The following CDYL2 variants were observed in gnomAD, a reference collection of about 807,000 sequenced individuals.
CDYL2 encodes the protein chromodomain Y like 2.
In CDYL2, 23 loss-of-function variants were observed where a neutral mutation model predicts 49.4. That is an observed-to-expected ratio of 0.47 (90% CI 0.34 to 0.66). The LOEUF (loss-of-function observed/expected upper bound fraction) is 0.66, where lower values mean the gene tolerates loss of function less well. Ranked by LOEUF, CDYL2 falls within the 30% of genes least tolerant of loss-of-function variation. CDYL2 has a pLI of 0.01. For synonymous variants in CDYL2, 360 were observed against 268.8 expected, an observed-to-expected ratio of 1.34 and a Z score of -3.32; for missense variants, 678 against 656.4, an observed-to-expected ratio of 1.03 and a Z score of -0.36.
intron 2 of CDYL2, among the ~76,000 whole-genome samples, chr16:80,638,593 C>A (rs1203182416): frequency 6.6e-6 from 1 of 152,130 alleles, no homozygotes; most frequent in Non-Finnish European, 1.5e-5. Context: ...CTAAAGTAAT[C>A]AAGACAGCGT....
intron 1 of CDYL2, among the ~76,000 whole-genome samples, chr16:80,797,754 A>T (rs564348002): frequency 2.0e-5 from 3 of 151,956 alleles, no homozygotes; most frequent in Non-Finnish European, 4.4e-5. Context: ...TTCTTTTTCA[A>T]CCTTTCAATT....
intron 3 of CDYL2, among the ~76,000 whole-genome samples, chr16:80,623,544 G>C (rs1490999986): frequency 6.6e-6 from 1 of 152,190 alleles, no homozygotes; most frequent in Non-Finnish European, 1.5e-5. Context: ...TAGAAATGCA[G>C]AGTCTTGGAC....
At chr16:80,725,567 A>C (rs1905137711) in intron 1 of CDYL2, among the ~76,000 whole-genome samples, 1 of 152,200 alleles carries the variant, frequency 6.6e-6, no homozygotes, top group Non-Finnish European at 1.5e-5. Context: ...TACGAATCTC[A>C]GTCCACATAT....
chr16:80,766,142 G>T (rs1462058474), intron 1 of CDYL2, among the ~76,000 whole-genome samples: 1 of 151,870 alleles, frequency 6.6e-6, no homozygotes, highest in East Asian at 1.9e-4. Context: ...GAAGGAGAAG[G>T]GGAATGATGA....
intron 1 of CDYL2, among the ~76,000 whole-genome samples, chr16:80,769,119 A>C (rs1906822780): frequency 6.6e-6 from 1 of 152,190 alleles, no homozygotes; most frequent in African/African-American, 2.4e-5. Context: ...CCCCCAGTCC[A>C]TGGGCTACAG....
intron 1 of CDYL2, among the ~76,000 whole-genome samples, chr16:80,731,885 C>T (rs1905337260): frequency 1.3e-5 from 2 of 150,466 alleles, no homozygotes; most frequent in African/African-American, 2.4e-5. Flanking sequence ...ATACATGAAA[C>T]CCAACACATA....
chr16:80,608,789 G>C (rs984521284), intron 5 of CDYL2, among the ~76,000 whole-genome samples: 16 of 152,024 alleles, frequency 1.1e-4, no homozygotes, highest in African/African-American at 3.9e-4. Flanking sequence ...GGAGAAATAG[G>C]GGAAGAGAGA....
intron 1 of CDYL2, among the ~76,000 whole-genome samples, chr16:80,712,189 G>GTATGTATGTA (rs527296483): frequency 4.0e-5 from 3 of 75,842 alleles, no homozygotes; most frequent in Admixed American, 1.3e-4. Flanking sequence ...GTGTCTGTGT[G>GTATGTATGTA]TGTATATATA....
At chr16:80,654,651 G>C (rs886548786) in intron 2 of CDYL2, among the ~76,000 whole-genome samples, 1 of 152,152 alleles carries the variant, frequency 6.6e-6, no homozygotes, top group African/African-American at 2.4e-5. Flanking sequence ...CAAGGACCAG[G>C]CCTAAGGCAG....
In CDYL2 at chr16:80,625,493, T is replaced by TC. The variant is rs1907261419; in HGVS notation, c.835-4559dup. 3.3e-5 allele frequency among the ~76,000 whole-genome samples: 5 copies of TC among 152,248 alleles called. No individual in the cohort carries two copies. The South Asian group carries it at 8.3e-4, about 25-fold the overall frequency. ...TTAATTGTATATCTGAAACCTTAAA[T>TC]CCCCCTAGCCATGGAACCTAGCATA... On this transcript the variant is annotated intron_variant, in intron 3 of 6. Transcript: ENST00000570137.
At chr16:80,637,779 G>C (rs113572897) in intron 2 of CDYL2, among the ~76,000 whole-genome samples, 2 of 152,206 alleles carry the variant, frequency 1.3e-5, no homozygotes, top group Non-Finnish European at 2.9e-5. Context: ...ACAAACACAA[G>C]ACAAATGTTT....
In CDYL2 at chr16:80,684,956, G is replaced by T. The variant is rs751032757; in HGVS notation, c.198C>A (p.Ile66=). The change falls in exon 2 of 7, where the codon ATC becomes ATA. Residue 66 remains isoleucine, a synonymous_variant. Transcript: ENST00000570137. ...AGGTACTGGACTGCTTCCCTGACTT[G>T]ATCCTCTTGTCCTTGGACATGTGCA... is the stretch of plus-strand genomic sequence containing the variant. ...NGLHMSKDKR[I]KSGKQSSTSK... is the part of the protein sequence containing the mutation. The T allele has an allele frequency of 1.6e-4, 253 of 1,614,162 alleles. No individual in the cohort carries two copies. The highest frequency in any genetic ancestry group is 4.5e-4 in the Admixed American group (27 of 60,014).
Position 80,612,940 on chromosome 16 carries a change from C to CA in CDYL2, c.1008-105dup, listed in dbSNP as rs1385403189. 8 of 1,095,906 alleles carry CA rather than the reference C, an allele frequency of 7.3e-6. No homozygotes were observed. Among genetic ancestry groups the CA allele is most frequent in the Non-Finnish European group, 1.0e-5 (8 of 781,658 alleles). The allele number at this position is 1,095,906 out of a possible 1,614,324, so 67.9% of individuals were successfully genotyped here. A position where few individuals can be genotyped will look rare whatever the true frequency, so the allele number is the denominator to read the frequency against. Reference sequence around the variant, plus strand: ...GCTGTGAGGAGCACCCTCAGGTCGTCAGAGGTTAGAGGTGCCAGGCAAGGG... The same window carrying CA: ...GCTGTGAGGAGCACCCTCAGGTCGTCAAGAGGTTAGAGGTGCCAGGCAAGGG... On this transcript the variant is annotated intron_variant, in intron 4 of 6. Coordinates refer to ENST00000570137, the MANE Select transcript of CDYL2 (RefSeq NM_152342.4). This position sits in a 1 kb window ranked among gnomAD's most constrained non-coding sequence, Gnocchi z 5.0.
intron 1 of CDYL2, among the ~76,000 whole-genome samples, chr16:80,717,907 A>C (rs891557650): frequency 1.3e-5 from 2 of 152,246 alleles, no homozygotes; most frequent in East Asian, 3.8e-4. Flanking sequence ...AAAGTAGGGC[A>C]CACTGAGCAG....
chr16:80,662,582 C>T (rs1249522407), intron 2 of CDYL2, among the ~76,000 whole-genome samples: 1 of 152,146 alleles, frequency 6.6e-6, no homozygotes, highest in Non-Finnish European at 1.5e-5. Context: ...ATGGGCAGAA[C>T]CAGACATGGA....
At chr16:80,643,160 A>G (rs1055007599) in intron 2 of CDYL2, among the ~76,000 whole-genome samples, 1 of 152,220 alleles carries the variant, frequency 6.6e-6, no homozygotes, top group African/African-American at 2.4e-5. Flanking sequence ...TGGCCAAAAC[A>G]AAGGGGTTAC....
chr16:80,676,961 GTAT>G (rs1909770202), intron 2 of CDYL2, among the ~76,000 whole-genome samples: 20 of 110,562 alleles, frequency 1.8e-4, no homozygotes, highest in African/African-American at 5.8e-4. Context: ...CCAATTCAAT[GTAT>G]TTTTTTTTTT....
chr16:80,729,740 T>C (rs1567587532), intron 1 of CDYL2, among the ~76,000 whole-genome samples: 1 of 152,082 alleles, frequency 6.6e-6, no homozygotes, highest in Non-Finnish European at 1.5e-5. Flanking sequence ...ACAGAAATTA[T>C]AACAAACTAT....
At chr16:80,626,071 C>T (rs1597131896) in intron 3 of CDYL2, among the ~76,000 whole-genome samples, 1 of 151,614 alleles carries the variant, frequency 6.6e-6, no homozygotes, top group Admixed American at 6.6e-5. Context: ...AGGCAGATTG[C>T]CTGAGCTCAG....
Sources: gnomAD v4.1 joint callset for allele counts (sites outside exome capture counted in the v4.1 genomes callset) on GRCh38, gnomAD v4.1.1 for gene constraint, Gnocchi (gnomAD v3.1) non-coding constraint, MANE v1.5 for transcripts, NCBI Gene and HGNC (gene_info 2026-07-23, HGNC 2026-07-21) for gene names.